The following PYGO1 variants were observed in gnomAD, a reference collection of about 807,000 sequenced individuals.
PYGO1 encodes the protein pygopus family PHD finger 1.
In PYGO1, 6 loss-of-function variants were observed where a neutral mutation model predicts 29.5. That is an observed-to-expected ratio of 0.20 (90% CI 0.11 to 0.40). The LOEUF (loss-of-function observed/expected upper bound fraction) is 0.40. Ranked by LOEUF, PYGO1 falls within the 10% of genes least tolerant of loss-of-function variation. PYGO1 has a pLI of 1.00. For synonymous variants in PYGO1, 186 were observed against 180.5 expected, an observed-to-expected ratio of 1.03 and a Z score of -0.24; for missense variants, 515 against 514.9, an observed-to-expected ratio of 1.00 and a Z score of 0.00.
intron 1 of PYGO1, among the ~76,000 whole-genome samples, chr15:55,576,686 G>C (rs1211826090): frequency 6.8e-6 from 1 of 146,656 alleles, no homozygotes; most frequent in Non-Finnish European, 1.5e-5. Context: ...CAGAAGAATC[G>C]CTTGAACCCG....
intron 1 of PYGO1, among the ~76,000 whole-genome samples, chr15:55,586,621 A>G (rs1380284676): frequency 1.3e-5 from 2 of 152,190 alleles, no homozygotes; most frequent in African/African-American, 2.4e-5. Flanking sequence ...CTGCAGTTAC[A>G]ATAGCTTCTT....
At position 55,544,582 on chromosome 15, in the gene PYGO1, T is replaced by C. The variant is rs2058841571; in HGVS notation, c.*1441A>G. ...TGTTTTTAAATCACATTTTCATGCA[T>C]AATTTAAATTTCTTGATAATATGCT... On this transcript the variant is annotated 3_prime_UTR_variant, in exon 3 of 3. Transcript: ENST00000563719. 1 of 152,224 alleles carries C rather than the reference T, an allele frequency of 6.6e-6. No homozygotes were observed. 9.4% of individuals were successfully genotyped at this position (152,224 alleles called of 1,614,324 possible). A position where few individuals can be genotyped will look rare whatever the true frequency, so the allele number is the denominator to read the frequency against.
rs1271692106 is a variant in PYGO1, at chr15:55,542,362, GAAGAATAAGCACTAGTAC to G, written c.*3643_*3660del. On this transcript the variant is annotated 3_prime_UTR_variant, in exon 3 of 3. Transcript: ENST00000563719. ...GTAGATTTCTTTACACTGTGTTTAT[GAAGAATAAGCACTAGTAC>G]AAGAAAATCTTTAGTTTTATGTATA... 6.6e-6 allele frequency: 1 copy of G among 152,166 alleles called. No homozygotes were observed. Among genetic ancestry groups the G allele is most frequent in the African/African-American group, 2.4e-5 (1 of 41,434 alleles). The allele number at this position is 152,166 out of a possible 1,614,324, so 9.4% of individuals were successfully genotyped here.
At chr15:55,576,455 C>CAAAA (rs71105896) in intron 1 of PYGO1, among the ~76,000 whole-genome samples, 2 of 46,414 alleles carry the variant, frequency 4.3e-5, no homozygotes, top group Non-Finnish European at 3.3e-5. Flanking sequence ...GACTCCGTCT[C>CAAAA]AAAAAAAAAA....
intron 1 of PYGO1, among the ~76,000 whole-genome samples, chr15:55,558,276 G>A (rs1334566789): frequency 6.6e-6 from 1 of 150,492 alleles, no homozygotes; most frequent in East Asian, 2.0e-4. Context: ...AAAATACCTA[G>A]GAATCCAACT....
intron 1 of PYGO1, among the ~76,000 whole-genome samples, chr15:55,578,303 A>C (rs970022660): frequency 5.9e-5 from 9 of 152,124 alleles, no homozygotes; most frequent in Admixed American, 3.3e-4. Flanking sequence ...ACTTCTATAA[A>C]TATTCTTGTA....
intron 1 of PYGO1, among the ~76,000 whole-genome samples, 170 bp from the exon 2 acceptor site, chr15:55,549,165 C>A (rs2141646814): frequency 6.6e-6 from 1 of 152,082 alleles, no homozygotes; most frequent in South Asian, 2.1e-4. Context: ...ATAGTTTGAG[C>A]CAGAAATAGC....
At chr15:55,577,084 A>G (rs998531742) in intron 1 of PYGO1, among the ~76,000 whole-genome samples, 2 of 152,114 alleles carry the variant, frequency 1.3e-5, no homozygotes, top group African/African-American at 4.8e-5. Flanking sequence ...GCCAATGTAA[A>G]CTGATAGCTT....
At chr15:55,553,664 G>C (rs1404627015) in intron 1 of PYGO1, among the ~76,000 whole-genome samples, 3 of 152,110 alleles carry the variant, frequency 2.0e-5, no homozygotes, top group African/African-American at 7.2e-5. Context: ...ACCCACCTCA[G>C]CCTCCCAAAG....
chr15:55,582,905 T>TC (rs1332043939), intron 1 of PYGO1, among the ~76,000 whole-genome samples: 10 of 152,192 alleles, frequency 6.6e-5, no homozygotes, highest in African/African-American at 2.4e-4. Context: ...ATCCAAATCC[T>TC]CTATATTCAT....
At chr15:55,576,283 C>T (rs112353931) in intron 1 of PYGO1, among the ~76,000 whole-genome samples, 12,231 of 147,024 alleles carry the variant, frequency 0.083, 929 homozygotes, top group East Asian at 0.36. Flanking sequence ...GGTGAAACCC[C>T]GTCTCTACTA....
chr15:55,580,820 G>C (rs535942957), intron 1 of PYGO1, among the ~76,000 whole-genome samples: 1 of 152,038 alleles, frequency 6.6e-6, no homozygotes, highest in Non-Finnish European at 1.5e-5. Context: ...TAGACCTATC[G>C]GGTTGCCTAA....
rs1264304575 is a variant in PYGO1 at position 55,542,558 on chromosome 15, A to G, written c.*3465T>C. On this transcript the variant is annotated 3_prime_UTR_variant, in exon 3 of 3. Transcript: ENST00000563719. ...TGTTTCAGTATTAGTGAATCGAGTA[A>G]CACCTAGAAGCATGTGGACCACAAA... 5 of 152,208 alleles carry G rather than the reference A, an allele frequency of 3.3e-5. No homozygotes were observed. The highest frequency in any genetic ancestry group is 2.0e-4 in the Admixed American group (3 of 15,276). The allele number at this position is 152,208 out of a possible 1,614,324, so 9.4% of individuals were successfully genotyped here.
chr15:55,565,973 C>T (rs111624990), intron 1 of PYGO1, among the ~76,000 whole-genome samples: 1 of 152,046 alleles, frequency 6.6e-6, no homozygotes, highest in Non-Finnish European at 1.5e-5. Flanking sequence ...GTAGAGACAG[C>T]GGTTCTACCA....
intron 1 of PYGO1, among the ~76,000 whole-genome samples, chr15:55,563,916 G>A (rs939264815): frequency 1.3e-5 from 2 of 152,164 alleles, no homozygotes; most frequent in African/African-American, 4.8e-5. Context: ...ACAAGCATTG[G>A]CAAAGATATG....
At chr15:55,569,436 T>C (rs1207670640) in intron 1 of PYGO1, among the ~76,000 whole-genome samples, 1 of 152,196 alleles carries the variant, frequency 6.6e-6, no homozygotes, top group Non-Finnish European at 1.5e-5. Flanking sequence ...ATATGCTCCT[T>C]TTAATACTGT....
In PYGO1 at chr15:55,542,540, G is replaced by C. The variant is rs1344776456; in HGVS notation, c.*3483C>G. 6.6e-6 allele frequency: 1 copy of C among 152,200 alleles called. No individual in the cohort carries two copies. The highest frequency in any genetic ancestry group is 2.4e-5 in the African/African-American group (1 of 41,440). The allele number at this position is 152,200 out of a possible 1,614,324, so 9.4% of individuals were successfully genotyped here. A position where few individuals can be genotyped will look rare whatever the true frequency, so the allele number is the denominator to read the frequency against. On this transcript the variant is annotated 3_prime_UTR_variant, in exon 3 of 3. Transcript: ENST00000563719. ...ATCTTTCACAAGCTGAGCTGTTTCA[G>C]TATTAGTGAATCGAGTAACACCTAG...
intron 1 of PYGO1, among the ~76,000 whole-genome samples, chr15:55,550,846 T>G (rs1313164310): frequency 2.0e-5 from 3 of 152,220 alleles, no homozygotes; most frequent in African/African-American, 7.2e-5. Context: ...TTATTTCCTA[T>G]AAATTGATAT....
Position 55,545,901 on chromosome 15 carries a change from AAACT to A in PYGO1, c.*118_*121del, listed in dbSNP as rs1320843412. 8.6e-7 allele frequency: 1 copy of A among 1,166,172 alleles called. No homozygotes were observed. The highest frequency in any genetic ancestry group is 1.2e-6 in the Non-Finnish European group (1 of 845,982). 72.2% of individuals were successfully genotyped at this position (1,166,172 alleles called of 1,614,324 possible). ...GCTCTAGTGATGAAGTGATTAATAA[AAACT>A]AAGTAAATAATGTTTTTGTGTATGC... is the stretch of plus-strand genomic sequence containing the variant. On this transcript the variant is annotated 3_prime_UTR_variant, in exon 3 of 3. Transcript: ENST00000563719.
Sources: allele counts gnomAD v4.1 joint callset (sites outside exome capture counted in the v4.1 genomes callset), GRCh38; gene constraint gnomAD v4.1.1; transcripts MANE v1.5; gene names NCBI Gene and HGNC (gene_info 2026-07-23, HGNC 2026-07-21).